The following DAB2 variants were observed in gnomAD, a reference collection of about 807,000 sequenced individuals.
The protein encoded by DAB2 is DAB adaptor protein 2.
DAB2 carries 28 observed loss-of-function variants against 71.6 expected under a neutral mutation model. That is an observed-to-expected ratio of 0.39 (90% CI 0.29 to 0.54). The LOEUF (loss-of-function observed/expected upper bound fraction) is 0.54, where lower values mean the gene tolerates loss of function less well. Among genes scored for constraint, DAB2 ranks in the 20% least tolerant of loss-of-function variants. The pLI, the probability that DAB2 is intolerant of heterozygous loss-of-function variation, is 0.68. For missense variants in DAB2, 867 were observed against 928.8 expected (o/e 0.93, Z 0.86); for synonymous variants, 345 against 339.7 (o/e 1.02, Z -0.17).
At chr5:39,423,447 A>G (rs955032101) in intron 1 of DAB2, among the ~76,000 whole-genome samples, 13 of 152,240 alleles carry the variant, frequency 8.5e-5, no homozygotes, top group Admixed American at 2.6e-4. Flanking sequence ...CACCTGGCTC[A>G]GAGAAAAGTA....
rs79575780 is a variant in DAB2, at chr5:39,424,400, A to G, written c.-102+404T>C. The stretch of plus-strand genomic sequence containing the variant: ...CCTTTGTCACACAGCAAAAATAAAC[A>G]CCCTTCGAGGAGTTAATTAGGCGGT... On this transcript the variant is annotated intron_variant, in intron 1 of 14. Coordinates refer to ENST00000320816, the MANE Select transcript of DAB2 (RefSeq NM_001343.4). Among the ~76,000 whole-genome samples, 757 of 151,212 alleles carry G rather than the reference A, an allele frequency of 5.0e-3. 9 individuals carry two copies. The highest frequency in any genetic ancestry group is 0.018 in the African/African-American group (732 of 41,066).
intron 1 of DAB2, among the ~76,000 whole-genome samples, chr5:39,412,737 G>C (rs1454870079): frequency 2.0e-5 from 3 of 152,074 alleles, no homozygotes. Context: ...TTTAATCCTG[G>C]ACAGTATCAT....
intron 1 of DAB2, among the ~76,000 whole-genome samples, chr5:39,410,765 G>A (rs571290474): frequency 2.6e-5 from 4 of 151,026 alleles, no homozygotes; most frequent in African/African-American, 9.7e-5. Context: ...AATGAGTTTG[G>A]TTTATGTTAA....
chr5:39,377,017 C>T lies in DAB2; in HGVS notation c.1770G>A (p.Leu590=), dbSNP rs1432827000. 6.2e-7 allele frequency: 1 copy of T among 1,613,950 alleles called. No homozygotes were observed. Among genetic ancestry groups the T allele is most frequent in the South Asian group, 1.1e-5 (1 of 91,082 alleles). ...APNAWSTTSP[L]GNPFQSNIFP... ...AAATATTGCTCTGAAAAGGATTCCC[C>T]AAAGGGCTTGTTGTTGACCAAGCAT... is the stretch of plus-strand genomic sequence containing the variant. The change falls in exon 12 of 15, where the codon TTG becomes TTA. Residue 590 remains leucine, a synonymous_variant. Coordinates refer to ENST00000320816, the MANE Select transcript of DAB2 (RefSeq NM_001343.4).
intron 1 of DAB2, among the ~76,000 whole-genome samples, chr5:39,420,587 T>C: frequency 6.6e-6 from 1 of 152,210 alleles, no homozygotes; most frequent in Non-Finnish European, 1.5e-5. Flanking sequence ...AGTACAAATG[T>C]AGTAGGGAAA....
In DAB2 at chr5:39,393,356, G is replaced by A; in HGVS notation, c.129C>T (p.Phe43=). The change falls in exon 3 of 15, where the codon TTC becomes TTT. Residue 43 remains phenylalanine (F), a synonymous_variant. Coordinates refer to ENST00000320816, the MANE Select transcript of DAB2 (RefSeq NM_001343.4). ...CCTTATATTTTACACCATCGCCTTT[G>A]AACCTTGCTAAGAGATATTCATCTG... ...EKTDEYLLAR[F]KGDGVKYKAK... 1 of 1,613,930 alleles carries A rather than the reference G, an allele frequency of 6.2e-7. No homozygotes were observed.
chr5:39,375,842 C>A (rs1754814025), intron 13 of DAB2, among the ~76,000 whole-genome samples, 155 bp downstream of exon 13: 2 of 152,040 alleles, frequency 1.3e-5, no homozygotes. Context: ...GCTGAGATTG[C>A]ACCACTGCAC....
At chr5:39,384,846 T>C (rs1755060911) in intron 9 of DAB2, among the ~76,000 whole-genome samples, 1 of 152,118 alleles carries the variant, frequency 6.6e-6, no homozygotes, top group African/African-American at 2.4e-5. Flanking sequence ...GTGCAAGTTA[T>C]AGTAGTTATC....
chr5:39,379,204 A>G (rs1214396331), intron 11 of DAB2, among the ~76,000 whole-genome samples: 2 of 152,184 alleles, frequency 1.3e-5, no homozygotes, highest in African/African-American at 2.4e-5. Context: ...CTGTAATCCC[A>G]GCACTTTGGG....
At chr5:39,392,168 G>C (rs946477673) in intron 4 of DAB2, 197 bp downstream of exon 4, 1 of 559,234 alleles carries the variant, frequency 1.8e-6, no homozygotes, top group Non-Finnish European at 3.2e-6. Flanking sequence ...ATTTATTATA[G>C]AACACAAATT....
At position 39,382,627 on chromosome 5, in the gene DAB2, C is replaced by G; in HGVS notation, c.1332G>C (p.Arg444Ser). 6.2e-7 allele frequency: 1 copy of G among 1,613,040 alleles called. No individual in the cohort carries two copies. The highest frequency in any genetic ancestry group is 8.5e-7 in the Non-Finnish European group (1 of 1,179,110). Residue 444 changes from arginine (R) to serine (S), a missense_variant, in exon 10 of 15, where the codon AGG becomes AGC. Transcript: ENST00000320816. ...PQSTKPGRGR[R>S]TAKSSANDLL... ...GGAGAAGACAATTCACCTTAGCAGT[C>G]CTTCTGCCTCTTCCTGGTTTGGTAC...
intron 1 of DAB2, among the ~76,000 whole-genome samples, chr5:39,396,602 T>G (rs963021852): frequency 1.3e-5 from 2 of 152,240 alleles, no homozygotes; most frequent in Non-Finnish European, 2.9e-5. Flanking sequence ...TCTCTTTTAA[T>G]GCAAGTATTT....
intron 1 of DAB2, among the ~76,000 whole-genome samples, chr5:39,405,280 T>G (rs62358454): frequency 0.028 from 4,195 of 152,334 alleles, 88 homozygotes; most frequent in South Asian, 0.086. Context: ...TAATTGGCAT[T>G]AGAGAGTATA....
intron 1 of DAB2, among the ~76,000 whole-genome samples, chr5:39,405,403 C>A (rs1157764033): frequency 2.6e-5 from 4 of 152,202 alleles, no homozygotes; most frequent in African/African-American, 7.2e-5. Context: ...TCCTTTAACT[C>A]ACTTCTACAA....
chr5:39,382,893 T>G lies in DAB2; in HGVS notation c.1066A>C (p.Lys356Gln). The G allele has an allele frequency of 6.2e-7, 1 of 1,614,162 alleles. No individual in the cohort carries two copies. The highest frequency in any genetic ancestry group is 1.1e-5 in the South Asian group (1 of 91,074). ...QFDQISNRTGKQEAQAGPWPF... is the reference protein window; with the variant it reads ...QFDQISNRTGQQEAQAGPWPF... ...CATGGGCCTGCCTGAGCTTCCTGTT[T>G]GCCAGTCCGGTTAGAGATCTGGTCA... Residue 356 changes from lysine (K) to glutamine (Q), a missense_variant, in exon 10 of 15, where the codon AAA becomes CAA. Coordinates refer to ENST00000320816, the MANE Select transcript of DAB2 (RefSeq NM_001343.4).
At chr5:39,407,582 T>C (rs1755635489) in intron 1 of DAB2, among the ~76,000 whole-genome samples, 3 of 152,240 alleles carry the variant, frequency 2.0e-5, no homozygotes, top group Admixed American at 1.3e-4. Context: ...TTGTGCATTC[T>C]CATCCCCGTA....
Position 39,383,197 on chromosome 5 carries a change from T to A in DAB2, c.762A>T (p.Pro254=). 6.2e-7 allele frequency: 1 copy of A among 1,614,000 alleles called. No individual in the cohort carries two copies. Among genetic ancestry groups the A allele is most frequent in the Non-Finnish European group, 8.5e-7 (1 of 1,179,908 alleles). The change falls in exon 10 of 15, where the codon CCA becomes CCT. Residue 254 remains proline (P), a synonymous_variant. Coordinates refer to ENST00000320816, the MANE Select transcript of DAB2 (RefSeq NM_001343.4). Reference sequence around the variant, plus strand: ...AGGAGGTGATGCCGTTTGTTAAGAATGGATTTTCTCTTAAAGAATTCTGAT... The same window carrying A: ...AGGAGGTGATGCCGTTTGTTAAGAAAGGATTTTCTCTTAAAGAATTCTGAT... ...DTNQNSLREN[P]FLTNGITSCS... is the part of the protein sequence containing the mutation.
intron 1 of DAB2, among the ~76,000 whole-genome samples, chr5:39,409,497 G>T (rs1336664234): frequency 6.6e-6 from 1 of 152,126 alleles, no homozygotes; most frequent in Non-Finnish European, 1.5e-5. Context: ...ATAAAACACC[G>T]ACTTAATATC....
At chr5:39,381,315 G>A in intron 11 of DAB2, 139 bp downstream of exon 11, 1 of 795,280 alleles carries the variant, frequency 1.3e-6, no homozygotes, top group Non-Finnish European at 2.0e-6. Context: ...TTGTATAGTA[G>A]AAGTGGGAGA....
Sources: gnomAD v4.1 joint callset for allele counts (sites outside exome capture counted in the v4.1 genomes callset) on GRCh38, gnomAD v4.1.1 for gene constraint, MANE v1.5 for transcripts, NCBI Gene and HGNC (gene_info 2026-07-23, HGNC 2026-07-21) for gene names.